Variants in KANSL1L observed in about 807,000 individuals in gnomAD.
KANSL1L encodes the protein KAT8 regulatory NSL complex subunit 1-like protein.
KANSL1L carries 25 observed loss-of-function variants against 108.6 expected under a neutral mutation model. That is an observed-to-expected ratio of 0.23 (90% CI 0.17 to 0.32). The LOEUF (loss-of-function observed/expected upper bound fraction) is 0.32. Among genes scored for constraint, KANSL1L ranks in the 10% least tolerant of loss-of-function variants. The pLI is 1.00. For missense variants in KANSL1L, 1,137 were observed against 1,125.7 expected (o/e 1.01, Z -0.14); for synonymous variants, 405 against 395.1 (o/e 1.03, Z -0.30).
intron 3 of KANSL1L, among the ~76,000 whole-genome samples, chr2:210,109,119 C>T (rs569229928): frequency 3.8e-4 from 58 of 152,066 alleles, no homozygotes; most frequent in African/African-American, 1.4e-3. Context: ...TTTCTCTGAC[C>T]CTCTGACCCA....
chr2:210,169,831 T>C (rs558857955), intron 1 of KANSL1L, among the ~76,000 whole-genome samples: 10 of 152,370 alleles, frequency 6.6e-5, no homozygotes, highest in Admixed American at 2.0e-4. Context: ...TCATTGTTTA[T>C]ATTTCCCCAA....
At chr2:210,129,963 T>A in intron 2 of KANSL1L, among the ~76,000 whole-genome samples, 1 of 144,544 alleles carries the variant, frequency 6.9e-6, no homozygotes. Flanking sequence ...TATATGTGTG[T>A]GATATTTAAT....
At chr2:210,050,958 T>C (rs1288763303) in intron 6 of KANSL1L, among the ~76,000 whole-genome samples, 1 of 152,172 alleles carries the variant, frequency 6.6e-6, no homozygotes, top group Non-Finnish European at 1.5e-5. Context: ...TTTCCCAGGC[T>C]GGTCTCAAAC....
rs558178019 is a variant in KANSL1L, at chr2:210,116,834, G to GA, written c.1230+12196dup. Among the ~76,000 whole-genome samples, 23 of 152,278 alleles carry GA rather than the reference G, an allele frequency of 1.5e-4. No individual in the cohort carries two copies. In the South Asian group the frequency reaches 4.4e-3, roughly 29 times the overall value. On this transcript the variant is annotated intron_variant, in intron 3 of 14. Coordinates refer to ENST00000281772, the MANE Select transcript of KANSL1L (RefSeq NM_152519.4). Reference sequence around the variant, plus strand: ...ACTAACTTTTCAATGTCCAGACACAGACGAACATCTATGAGTATAAAGAAC... The same window carrying GA: ...ACTAACTTTTCAATGTCCAGACACAGAACGAACATCTATGAGTATAAAGAAC...
chr2:210,093,067 T>C (rs80151460), intron 5 of KANSL1L, among the ~76,000 whole-genome samples: 2,440 of 152,350 alleles, frequency 0.016, 68 homozygotes, highest in African/African-American at 0.056. Flanking sequence ...GAATGGTCTC[T>C]ACTAAATACA....
intron 6 of KANSL1L, among the ~76,000 whole-genome samples, chr2:210,072,178 A>G (rs1210440550): frequency 2.0e-5 from 3 of 152,276 alleles, no homozygotes; most frequent in Middle Eastern, 3.4e-3. Flanking sequence ...GTCTCTTTCA[A>G]TCTAAAACAA....
At chr2:210,123,834 T>TA (rs71043973) in intron 3 of KANSL1L, among the ~76,000 whole-genome samples, 15,286 of 145,954 alleles carry the variant, frequency 0.1, 869 homozygotes, top group Middle Eastern at 0.16. Context: ...TTTTTTAAGT[T>TA]AAAAAAAAAA....
intron 5 of KANSL1L, among the ~76,000 whole-genome samples, chr2:210,080,838 G>A (rs1275139930): frequency 6.6e-6 from 1 of 151,856 alleles, no homozygotes. Context: ...TGGGCATGGT[G>A]GCTCATGCCT....
chr2:210,127,669 C>T (rs1053385602), intron 3 of KANSL1L, among the ~76,000 whole-genome samples: 6 of 151,504 alleles, frequency 4.0e-5, no homozygotes, highest in Non-Finnish European at 4.4e-5. Context: ...CATGGTGGCA[C>T]GAGCCTCTAG....
rs549921682 is a variant in KANSL1L at position 210,094,686 on chromosome 2, T to G, written c.1550+3400A>C. Among the ~76,000 whole-genome samples the G allele has an allele frequency of 7.2e-5, 11 of 152,170 alleles. No homozygotes were observed. In the South Asian group the frequency reaches 2.3e-3, roughly 32 times the overall value. On this transcript the variant is annotated intron_variant, in intron 5 of 14. Coordinates refer to ENST00000281772, the MANE Select transcript of KANSL1L (RefSeq NM_152519.4). ...TCAAACATGAGTAACATTAAAAAACTAAAATTTGTAGAATTTCACTACTAT... is the reference window on the plus strand; with the variant it reads ...TCAAACATGAGTAACATTAAAAAACGAAAATTTGTAGAATTTCACTACTAT...
chr2:210,128,649 A>G (rs2095091018), intron 3 of KANSL1L, among the ~76,000 whole-genome samples: 1 of 152,188 alleles, frequency 6.6e-6, no homozygotes, highest in Non-Finnish European at 1.5e-5. Context: ...ATAAAAGGTA[A>G]AAAGAGTTAT....
chr2:210,093,435 C>A (rs924455423), intron 5 of KANSL1L, among the ~76,000 whole-genome samples: 1 of 152,162 alleles, frequency 6.6e-6, no homozygotes, highest in Non-Finnish European at 1.5e-5. Context: ...CATGAGGAAT[C>A]TCAACTGGCC....
chr2:210,160,944 A>G (rs1010025364), intron 1 of KANSL1L, among the ~76,000 whole-genome samples: 4 of 152,114 alleles, frequency 2.6e-5, no homozygotes, highest in Admixed American at 2.6e-4. Flanking sequence ...CATATATGGA[A>G]AAAAACAGAG....
At chr2:210,137,730 ATAT>A (rs1362843458) in intron 2 of KANSL1L, among the ~76,000 whole-genome samples, 1 of 152,142 alleles carries the variant, frequency 6.6e-6, no homozygotes, top group Non-Finnish European at 1.5e-5. Context: ...AAATAATATA[ATAT>A]TAATTCTATA....
chr2:210,092,120 T>G (rs1024539346), intron 5 of KANSL1L, among the ~76,000 whole-genome samples: 1 of 152,208 alleles, frequency 6.6e-6, no homozygotes, highest in African/African-American at 2.4e-5. Context: ...TTTTTCACAT[T>G]TCCTATATGT....
chr2:210,109,168 A>C (rs562619637), intron 3 of KANSL1L, among the ~76,000 whole-genome samples: 1 of 152,132 alleles, frequency 6.6e-6, no homozygotes, highest in Admixed American at 6.6e-5. Flanking sequence ...ATCTTAGAAA[A>C]ACAGGTATTC....
At chr2:210,113,001 TATATACAGCCTGCATAA>T (rs2094923279) in intron 3 of KANSL1L, among the ~76,000 whole-genome samples, 1 of 152,192 alleles carries the variant, frequency 6.6e-6, no homozygotes, top group Admixed American at 6.5e-5. Context: ...TGAAGCAATC[TATATACAGCCTGCATAA>T]GTCAGGGTAG....
chr2:210,154,282 A>G lies in KANSL1L; in HGVS notation c.301T>C (p.Leu101=). 6.2e-7 allele frequency: 1 copy of G among 1,613,580 alleles called. No individual in the cohort carries two copies. The highest frequency in any genetic ancestry group is 8.5e-7 in the Non-Finnish European group (1 of 1,179,746). The stretch of plus-strand genomic sequence containing the variant: ...AGCTTATTGCAACTGGGCTCCCCTA[A>G]TTTCTTTTGTTTATAATTCTCATTG... ...KHNENYKQKK[L]GEPSCNKLKN... The change falls in exon 2 of 15, where the codon TTA becomes CTA. Residue 101 remains leucine (L), a synonymous_variant. Transcript: ENST00000281772.
At chr2:210,171,982 G>A (rs1178498771), upstream of KANSL1L, among the ~76,000 whole-genome samples, 1 of 101,334 alleles carries the variant, frequency 9.9e-6, no homozygotes, top group Non-Finnish European at 2.0e-5. Flanking sequence ...ATCCAACTGG[G>A]TGGTTTTATG....
Sources: allele counts gnomAD v4.1 joint callset (sites outside exome capture counted in the v4.1 genomes callset), GRCh38; gene constraint gnomAD v4.1.1; transcripts MANE v1.5; gene names NCBI Gene and HGNC (gene_info 2026-07-23, HGNC 2026-07-21).